Variants in CORO2A observed in about 807,000 individuals in gnomAD.
The protein encoded by CORO2A is coronin 2A, also known as coronin-2A.
In CORO2A, 47 loss-of-function variants were observed where a neutral mutation model predicts 62.4. That is an observed-to-expected ratio of 0.75 (90% CI 0.60 to 0.96). The LOEUF (loss-of-function observed/expected upper bound fraction) is 0.96, where lower values mean the gene tolerates loss of function less well. Ranked by LOEUF, CORO2A falls within the 40% of genes least tolerant of loss-of-function variation. CORO2A has a pLI of 0.00. For synonymous variants in CORO2A, 273 were observed against 268.9 expected (o/e 1.02, Z -0.15); for missense variants, 610 against 684.1 (o/e 0.89, Z 1.21).
chr9:98,129,973 G>A lies in CORO2A; in HGVS notation c.871-83C>T, dbSNP rs1318908815. 3 of 1,069,338 alleles carry A rather than the reference G, an allele frequency of 2.8e-6. No individual in the cohort carries two copies. The Admixed American group carries it at 5.6e-5, about 20-fold the overall frequency. The allele number at this position is 1,069,338 out of a possible 1,614,324, so 66.2% of individuals were successfully genotyped here. A position where few individuals can be genotyped will look rare whatever the true frequency, so the allele number is the denominator to read the frequency against. ...ATCAGCAACCCAGCCATGCAGCAAA[G>A]ACCTGGCTTTTTTTGATGATCGGCA... On this transcript the variant is annotated intron_variant, in intron 7 of 11. Transcript: ENST00000375077.
At chr9:98,181,596 C>T (rs1019045155) in intron 1 of CORO2A, among the ~76,000 whole-genome samples, 6 of 152,108 alleles carry the variant, frequency 3.9e-5, no homozygotes, top group Admixed American at 1.3e-4. Context: ...TCCCCAGCCT[C>T]ACCTTGCCCA....
At chr9:98,154,199 G>A (rs1196612274) in intron 2 of CORO2A, among the ~76,000 whole-genome samples, 4 of 151,656 alleles carry the variant, frequency 2.6e-5, no homozygotes, top group Admixed American at 6.6e-5. Context: ...CTCACAGAAT[G>A]AGGAAAGAAG....
intron 2 of CORO2A, among the ~76,000 whole-genome samples, chr9:98,147,035 G>A (rs545639584): frequency 1.4e-4 from 21 of 152,254 alleles, no homozygotes; most frequent in African/African-American, 4.8e-4. Flanking sequence ...GGGGGGCTGA[G>A]GCAGGAGGAT....
Position 98,137,622 on chromosome 9 carries a change from A to T in CORO2A, c.268T>A (p.Trp90Arg). 1 of 1,614,222 alleles carries T rather than the reference A, an allele frequency of 6.2e-7. No homozygotes were observed. Among genetic ancestry groups the T allele is most frequent in the Non-Finnish European group, 8.5e-7 (1 of 1,180,036 alleles). Residue 90 changes from tryptophan (W) to arginine (R), a missense_variant, in exon 3 of 12, where the codon TGG becomes AGG. Coordinates refer to ENST00000375077, the MANE Select transcript of CORO2A (RefSeq NM_052820.4). ...ATCTCAAAATCATCAAAAGGGTTCCACTTGACATCCAAAACGTTGCCTCTG... is the reference window on the plus strand; with the variant it reads ...ATCTCAAAATCATCAAAAGGGTTCCTCTTGACATCCAAAACGTTGCCTCTG... ...GHRGNVLDVK[W>R]NPFDDFEIAS...
chr9:98,147,734 T>TA (rs1422880940), intron 2 of CORO2A, among the ~76,000 whole-genome samples: 1 of 152,224 alleles, frequency 6.6e-6, no homozygotes, highest in Non-Finnish European at 1.5e-5. Flanking sequence ...CTTATAAGGC[T>TA]AAACATGCAA....
intron 2 of CORO2A, among the ~76,000 whole-genome samples, chr9:98,141,187 A>C (rs996246942): frequency 5.3e-5 from 8 of 151,718 alleles, no homozygotes; most frequent in Admixed American, 5.2e-4. Context: ...GGGAGGTGAA[A>C]ATTTTCTCTC....
intron 2 of CORO2A, among the ~76,000 whole-genome samples, chr9:98,155,460 C>T (rs1381656406): frequency 1.3e-5 from 2 of 151,050 alleles, no homozygotes; most frequent in Non-Finnish European, 2.9e-5. Context: ...AATTCTCCTG[C>T]CTCAGCCTCC....
chr9:98,168,493 G>A (rs950812765), intron 1 of CORO2A, among the ~76,000 whole-genome samples: 1 of 152,232 alleles, frequency 6.6e-6, no homozygotes, highest in African/African-American at 2.4e-5. Flanking sequence ...GCACAGAGAG[G>A]TTATATAACT....
chr9:98,148,072 C>A (rs1325795053), intron 2 of CORO2A, among the ~76,000 whole-genome samples: 1 of 139,338 alleles, frequency 7.2e-6, no homozygotes. Flanking sequence ...CATCATGAGA[C>A]CTCGCCTCTA....
chr9:98,173,900 T>C (rs931017626), intron 1 of CORO2A, among the ~76,000 whole-genome samples: 1 of 152,070 alleles, frequency 6.6e-6, no homozygotes, highest in Non-Finnish European at 1.5e-5. Flanking sequence ...GCAGATCACC[T>C]GAGATCGGGA....
chr9:98,181,897 G>C (rs963403322), intron 1 of CORO2A, among the ~76,000 whole-genome samples: 1 of 152,180 alleles, frequency 6.6e-6, no homozygotes, highest in Non-Finnish European at 1.5e-5. Context: ...TCACTTCCAA[G>C]CTGTGTGACC....
At chr9:98,162,298 A>G (rs533971609) in intron 1 of CORO2A, among the ~76,000 whole-genome samples, 24 of 152,268 alleles carry the variant, frequency 1.6e-4, no homozygotes, top group African/African-American at 5.5e-4. Flanking sequence ...TGTCCCTAAG[A>G]GGAACTGTCA....
Position 98,124,917 on chromosome 9 carries a change from A to G in CORO2A, c.1447-12T>C. 6.4e-7 allele frequency: 1 copy of G among 1,556,728 alleles called. No individual in the cohort carries two copies. Among genetic ancestry groups the G allele is most frequent in the Non-Finnish European group, 8.7e-7 (1 of 1,149,060 alleles). ...AACATCTGCAGCAACTGGGGAAGAA[A>G]GATCGGAAGGCAGGATCACCATGGT... is the stretch of plus-strand genomic sequence containing the variant. On this transcript the variant is annotated splice_polypyrimidine_tract_variant and intron_variant, in intron 11 of 11. Transcript: ENST00000375077.
At chr9:98,143,605 T>G (rs1827604231) in intron 2 of CORO2A, among the ~76,000 whole-genome samples, 1 of 152,198 alleles carries the variant, frequency 6.6e-6, no homozygotes, top group Admixed American at 6.5e-5. Flanking sequence ...TAGTAGCACC[T>G]CATTCACAGT....
chr9:98,160,552 C>T (rs1827870303), intron 1 of CORO2A, among the ~76,000 whole-genome samples: 1 of 152,200 alleles, frequency 6.6e-6, no homozygotes, highest in Non-Finnish European at 1.5e-5. Context: ...TACTGGGGGT[C>T]CCCTTGGAAA....
At chr9:98,167,494 AC>A (rs1827977753) in intron 1 of CORO2A, among the ~76,000 whole-genome samples, 1 of 152,214 alleles carries the variant, frequency 6.6e-6, no homozygotes, top group African/African-American at 2.4e-5. Context: ...AATGAAATAT[AC>A]ATATATTTTT....
At chr9:98,133,758 C>A (rs1269643435) in intron 4 of CORO2A, among the ~76,000 whole-genome samples, 1 of 151,934 alleles carries the variant, frequency 6.6e-6, no homozygotes, top group Non-Finnish European at 1.5e-5. Context: ...GTGCTCCCCA[C>A]AACAATTTTA....
In CORO2A at chr9:98,124,845, G is replaced by T. The variant is rs1827294358; in HGVS notation, c.1507C>A (p.Gln503Lys). ...AACTGTTTGGCCTGGACCTCTCGCT[G>T]GGTCAACAGCTCCCGGAGCCTTCGG... ...EIRRLRELLTQREVQAKQLEL... is the reference protein window; with the variant it reads ...EIRRLRELLTKREVQAKQLEL... The change falls in exon 12 of 12, where the codon CAG becomes AAG. Residue 503 changes from glutamine to lysine, a missense_variant. Gln to Lys is a moderately conservative substitution (Grantham distance 53). Coordinates refer to ENST00000375077, the MANE Select transcript of CORO2A (RefSeq NM_052820.4). 17 of 1,603,162 alleles carry T rather than the reference G, an allele frequency of 1.1e-5. No individual in the cohort carries two copies. Among genetic ancestry groups the T allele is most frequent in the Non-Finnish European group, 1.4e-5 (17 of 1,173,844 alleles).
chr9:98,144,865 G>T (rs987002008), intron 2 of CORO2A, among the ~76,000 whole-genome samples: 27 of 152,040 alleles, frequency 1.8e-4, no homozygotes, highest in African/African-American at 5.8e-4. Flanking sequence ...TACTCACCCT[G>T]CCCAGGGTGC....
Sources: allele counts gnomAD v4.1 joint callset (sites outside exome capture counted in the v4.1 genomes callset), GRCh38; gene constraint gnomAD v4.1.1; transcripts MANE v1.5; gene names NCBI Gene and HGNC (gene_info 2026-07-23, HGNC 2026-07-21).